The following GRM3 variants were observed in gnomAD, a reference collection of about 807,000 sequenced individuals.
GRM3 encodes metabotropic glutamate receptor 3.
In GRM3, 26 loss-of-function variants were observed where a neutral mutation model predicts 70.5. The ratio of observed to expected loss-of-function variants is 0.37; its 90% confidence interval spans 0.27 to 0.51. The LOEUF is 0.51. GRM3 is among the 20% of genes least tolerant of loss of function. The pLI, the probability that GRM3 is intolerant of heterozygous loss-of-function variation, is 0.93. For synonymous variants in GRM3, 443 were observed against 434.9 expected, an observed-to-expected ratio of 1.02 and a Z score of -0.23; for missense variants, 859 against 1,123.8, an observed-to-expected ratio of 0.76 and a Z score of 3.37.
At chr7:86,713,045 C>T (rs1795234075) in intron 1 of GRM3, among the ~76,000 whole-genome samples, 1 of 151,954 alleles carries the variant, frequency 6.6e-6, no homozygotes, top group African/African-American at 2.4e-5. Context: ...TTTTGAGGAA[C>T]CTCTATACTA....
rs568382124 is a variant in GRM3 at position 86,818,862 on chromosome 7, G to A, written c.1325-19977G>A. 7.9e-5 allele frequency among the ~76,000 whole-genome samples: 12 copies of A among 152,192 alleles called. No homozygotes were observed. In the East Asian group the frequency reaches 2.3e-3, roughly 29 times the overall value. ...AATATCTGATCCAACAATGCCACACGATGTGGGCCAATTTCCTGGACATGC... is the reference window on the plus strand; with the variant it reads ...AATATCTGATCCAACAATGCCACACAATGTGGGCCAATTTCCTGGACATGC... On this transcript the variant is annotated intron_variant, in intron 3 of 5. Transcript: ENST00000361669.
chr7:86,743,762 G>A (rs1297276401), intron 1 of GRM3, among the ~76,000 whole-genome samples: 1 of 152,134 alleles, frequency 6.6e-6, no homozygotes, highest in Non-Finnish European at 1.5e-5. Flanking sequence ...TGGCTGGAGA[G>A]CAAGATCTCT....
At chr7:86,663,852 CATAAA>C (rs10578318) in intron 1 of GRM3, among the ~76,000 whole-genome samples, 44,071 of 151,368 alleles carry the variant, frequency 0.29, 8,264 homozygotes, top group East Asian at 0.71. Context: ...GTTGTGAGAA[CATAAA>C]ATAAGGAGTT....
chr7:86,824,277 T>C (rs1798187580), intron 3 of GRM3, among the ~76,000 whole-genome samples: 1 of 152,212 alleles, frequency 6.6e-6, no homozygotes, highest in Non-Finnish European at 1.5e-5. Context: ...TCCCTTTTCA[T>C]GGGACTGAGG....
At chr7:86,858,430 A>T (rs1798892143) in intron 5 of GRM3, among the ~76,000 whole-genome samples, 1 of 152,120 alleles carries the variant, frequency 6.6e-6, no homozygotes, top group Non-Finnish European at 1.5e-5. Flanking sequence ...AAATAAGGTG[A>T]TCAGGGTGGG....
chr7:86,665,140 G>A lies in GRM3; in HGVS notation c.-141+20268G>A, dbSNP rs186536060. 3.2e-3 allele frequency among the ~76,000 whole-genome samples: 481 copies of A among 151,966 alleles called. 3 individuals carry two copies. Among genetic ancestry groups the A allele is most frequent in the African/African-American group, 0.01 (430 of 41,468 alleles). ...CTACATGAAGAAATCTATTCTTTTC[G>A]TTCCGTTTTATTCCACTGTTACCAA... is the stretch of plus-strand genomic sequence containing the variant. On this transcript the variant is annotated intron_variant, in intron 1 of 5. Transcript: ENST00000361669.
At chr7:86,728,805 G>T (rs1200831156) in intron 1 of GRM3, among the ~76,000 whole-genome samples, 2 of 152,188 alleles carry the variant, frequency 1.3e-5, no homozygotes, top group African/African-American at 4.8e-5. Flanking sequence ...TAAAGTAACT[G>T]CAATGAAGTC....
chr7:86,804,290 T>C (rs768941736), intron 3 of GRM3, among the ~76,000 whole-genome samples: 1 of 152,230 alleles, frequency 6.6e-6, no homozygotes, highest in Non-Finnish European at 1.5e-5. Context: ...GATCTGCCAC[T>C]GCATGGCTCA....
intron 1 of GRM3, among the ~76,000 whole-genome samples, chr7:86,763,964 G>C (rs935545605): frequency 6.6e-6 from 1 of 152,132 alleles, no homozygotes; most frequent in South Asian, 2.1e-4. Context: ...GTAGCTTTGG[G>C]AGATGTTAAG....
chr7:86,692,368 C>T (rs1184960783), intron 1 of GRM3, among the ~76,000 whole-genome samples: 3 of 152,166 alleles, frequency 2.0e-5, no homozygotes, highest in African/African-American at 7.2e-5. Context: ...TTTTACTATC[C>T]TTGTCAATCA....
chr7:86,800,403 A>G (rs943055300), intron 3 of GRM3, among the ~76,000 whole-genome samples: 3 of 152,224 alleles, frequency 2.0e-5, no homozygotes. Context: ...TGGCTAGACT[A>G]ATAAAGAAAA....
At chr7:86,806,499 G>A (rs1797796467) in intron 3 of GRM3, among the ~76,000 whole-genome samples, 1 of 152,198 alleles carries the variant, frequency 6.6e-6, no homozygotes, top group Non-Finnish European at 1.5e-5. Context: ...CTGATGGCTA[G>A]TGATGATGAG....
intron 4 of GRM3, among the ~76,000 whole-genome samples, chr7:86,845,209 G>A (rs1419867659): frequency 1.3e-5 from 2 of 152,048 alleles, no homozygotes; most frequent in Non-Finnish European, 2.9e-5. Flanking sequence ...TTTCTACAAG[G>A]CAACGCAGAG....
intron 2 of GRM3, among the ~76,000 whole-genome samples, chr7:86,771,094 TA>T (rs1490661078): frequency 6.6e-6 from 1 of 152,058 alleles, no homozygotes; most frequent in Non-Finnish European, 1.5e-5. Flanking sequence ...GAAGACTTCT[TA>T]AAAAGGAAAT....
intron 1 of GRM3, among the ~76,000 whole-genome samples, chr7:86,649,799 A>G (rs1793563696): frequency 6.6e-6 from 1 of 152,180 alleles, no homozygotes; most frequent in South Asian, 2.1e-4. Context: ...TAATAGGGAA[A>G]CAATTAGTCA....
intron 1 of GRM3, among the ~76,000 whole-genome samples, chr7:86,742,899 T>C (rs552249220): frequency 6.6e-6 from 1 of 152,146 alleles, no homozygotes; most frequent in Non-Finnish European, 1.5e-5. Context: ...GTATTTACTA[T>C]ATGTGACTTG....
At chr7:86,768,086 G>A (rs1043043536) in intron 2 of GRM3, among the ~76,000 whole-genome samples, 4 of 151,872 alleles carry the variant, frequency 2.6e-5, no homozygotes, top group Non-Finnish European at 5.9e-5. Context: ...GTAGATTTTG[G>A]CAACAGAAAG....
Position 86,839,644 on chromosome 7 carries a change from G to A in GRM3, c.2130G>A (p.Glu710=). The change falls in exon 4 of 6, where the codon GAG becomes GAA. Residue 710 remains glutamate (E), a synonymous_variant. Coordinates refer to ENST00000361669, the MANE Select transcript of GRM3 (RefSeq NM_000840.3). This position sits in a 1 kb window ranked among gnomAD's most constrained non-coding sequence, Gnocchi z 4.5. ...IVMVSVWLIL[E]APGTRRYTLA... ...TGGTGTCTGTGTGGCTCATCCTGGA[G>A]GCCCCAGGCACCAGGAGGTATACCC... 1 of 1,613,874 alleles carries A rather than the reference G, an allele frequency of 6.2e-7. No individual in the cohort carries two copies. Among genetic ancestry groups the A allele is most frequent in the Non-Finnish European group, 8.5e-7 (1 of 1,179,868 alleles).
intron 3 of GRM3, among the ~76,000 whole-genome samples, chr7:86,793,388 G>A (rs1797470876): frequency 6.6e-6 from 1 of 152,174 alleles, no homozygotes; most frequent in Non-Finnish European, 1.5e-5. Context: ...AATGGTAATG[G>A]CCACATCTTT....
Sources: allele counts gnomAD v4.1 joint callset (sites outside exome capture counted in the v4.1 genomes callset), GRCh38; gene constraint gnomAD v4.1.1; non-coding constraint Gnocchi (gnomAD v3.1); transcripts MANE v1.5; gene names NCBI Gene and HGNC (gene_info 2026-07-23, HGNC 2026-07-21).